HECTD4: variants seen among roughly 807,000 people sequenced by gnomAD.
HECTD4 encodes the protein probable E3 ubiquitin-protein ligase HECTD4.
In HECTD4, 114 loss-of-function variants were observed where a neutral mutation model predicts 471.5. That is an observed-to-expected ratio of 0.24 (90% confidence interval 0.21 to 0.28). The LOEUF is 0.28. Ranked by LOEUF, HECTD4 falls within the 10% of genes least tolerant of loss-of-function variation. The pLI is 1.00. For missense variants in HECTD4, 3,866 were observed against 5,651.5 expected (o/e 0.68, Z 10.13); for synonymous variants, 2,012 against 2,256.0 (o/e 0.89, Z 3.07).
rs897220218 is a variant in HECTD4 at position 112,213,087 on chromosome 12, C to T, written c.7466-437G>A. Among the ~76,000 whole-genome samples, 5 of 152,152 alleles carry T rather than the reference C, an allele frequency of 3.3e-5. No homozygotes were observed. Among genetic ancestry groups the T allele is most frequent in the African/African-American group, 7.2e-5 (3 of 41,438 alleles). On this transcript the variant is annotated intron_variant, in intron 48 of 75. Coordinates refer to ENST00000682272, the MANE Select transcript of HECTD4 (RefSeq NM_001388303.1). The surrounding 1 kb of genome is among the most constrained non-coding windows in gnomAD (Gnocchi z 4.0). ...CTGGAATTACAGTCGTGAGCCACCA[C>T]GCCCAGCCTAAGTTTTTGTATTTAG...
chr12:112,177,675 C>T (rs567821903), intron 64 of HECTD4, among the ~76,000 whole-genome samples: 24 of 152,266 alleles, frequency 1.6e-4, no homozygotes, highest in Admixed American at 2.0e-4. Context: ...CCACCGCGCC[C>T]GGCCTATGAG....
intron 1 of HECTD4, among the ~76,000 whole-genome samples, chr12:112,324,060 T>G (rs1310382511): frequency 1.3e-5 from 1 of 78,732 alleles, no homozygotes; most frequent in Non-Finnish European, 2.1e-5. Context: ...CTTTCTTTCT[T>G]TCTTTCTTTC....
intron 44 of HECTD4, among the ~76,000 whole-genome samples, chr12:112,223,147 C>T (rs1166866475): frequency 3.9e-5 from 6 of 152,104 alleles, no homozygotes; most frequent in African/African-American, 9.7e-5. Context: ...CTGGGACCAC[C>T]CTCTACTTAC....
chr12:112,313,205 G>GTA, intron 3 of HECTD4, 58 bp from the exon 4 acceptor site: 2 of 1,428,332 alleles, frequency 1.4e-6, no homozygotes, highest in East Asian at 2.5e-5. Context: ...TCAGCAAGAA[G>GTA]TATACCTGCT....
intron 70 of HECTD4, 56 bp from the exon 71 acceptor site, chr12:112,167,973 C>T (rs763878664): frequency 3.9e-5 from 51 of 1,303,530 alleles, no homozygotes; most frequent in African/African-American, 3.3e-4. Flanking sequence ...GAGGCGACAC[C>T]GTTCCCTCCC....
chr12:112,345,317 G>GA lies in HECTD4; in HGVS notation c.178-25576dup, dbSNP rs557538600. 7.3e-5 allele frequency among the ~76,000 whole-genome samples: 11 copies of GA among 149,866 alleles called. No individual in the cohort carries two copies. In the South Asian group the frequency reaches 2.3e-3, roughly 32 times the overall value. On this transcript the variant is annotated intron_variant, in intron 1 of 75. Transcript: ENST00000682272. ...ACAAGGTCAGAAGAAGAAAAAAGAA[G>GA]AAAAAAACCAGGACAATGAAACGAT...
In HECTD4 at chr12:112,179,738, T is replaced by C. The variant is rs184494573; in HGVS notation, c.10988-341A>G. Among the ~76,000 whole-genome samples, 2 of 152,258 alleles carry C rather than the reference T, an allele frequency of 1.3e-5. No individual in the cohort carries two copies. The highest frequency in any genetic ancestry group is 6.5e-5 in the Admixed American group (1 of 15,306). On this transcript the variant is annotated intron_variant, in intron 62 of 75. Coordinates refer to ENST00000682272, the MANE Select transcript of HECTD4 (RefSeq NM_001388303.1). This position sits in a 1 kb window ranked among gnomAD's most constrained non-coding sequence, Gnocchi z 4.3. ...ACCTCAGTGCTCACCCTCACTCTTA[T>C]ATCTGCAGGGAATTAACTTCCACTG...
At chr12:112,287,332 C>T (rs113085207) in intron 7 of HECTD4, among the ~76,000 whole-genome samples, 5 of 152,196 alleles carry the variant, frequency 3.3e-5, no homozygotes, top group South Asian at 4.2e-4. Context: ...TACCCAGATA[C>T]GGCAATATAG....
chr12:112,219,109 GCTTT>G (rs1351529538), intron 45 of HECTD4, among the ~76,000 whole-genome samples: 1 of 151,416 alleles, frequency 6.6e-6, no homozygotes, highest in Non-Finnish European at 1.5e-5. Flanking sequence ...AAAAAAAAAA[GCTTT>G]CTTTTTGTTA....
intron 1 of HECTD4, among the ~76,000 whole-genome samples, chr12:112,338,850 T>C (rs1054904373): frequency 6.6e-6 from 1 of 151,434 alleles, no homozygotes; most frequent in African/African-American, 2.4e-5. Flanking sequence ...TAGGAGGAGG[T>C]GCCACATACT....
At chr12:112,227,251 G>A (rs1384846927) in intron 43 of HECTD4, among the ~76,000 whole-genome samples, 3 of 152,182 alleles carry the variant, frequency 2.0e-5, no homozygotes, top group Non-Finnish European at 4.4e-5. Flanking sequence ...CCAGAGGTCA[G>A]GAGTTTCAGA....
intron 1 of HECTD4, among the ~76,000 whole-genome samples, chr12:112,324,372 A>G (rs186963459): frequency 5.1e-4 from 77 of 151,796 alleles, no homozygotes; most frequent in Non-Finnish European, 4.4e-5. Context: ...TGCTTGCCTC[A>G]GCCTCCCAAA....
chr12:112,180,883 G>A (rs950681772), intron 62 of HECTD4, among the ~76,000 whole-genome samples: 2 of 151,584 alleles, frequency 1.3e-5, no homozygotes, highest in African/African-American at 4.9e-5. Flanking sequence ...TTAAGAAAAC[G>A]CCAAAAACCT....
At chr12:112,189,413 G>A (rs1210742698) in intron 60 of HECTD4, among the ~76,000 whole-genome samples, 3 of 151,744 alleles carry the variant, frequency 2.0e-5, no homozygotes, top group Middle Eastern at 3.2e-3. Flanking sequence ...TTGGCCAGGC[G>A]TGGTGGTGGG....
At chr12:112,302,127 AG>A in intron 7 of HECTD4, 4 of 1,106,288 alleles carry the variant, frequency 3.6e-6, no homozygotes, top group Non-Finnish European at 5.4e-6. Context: ...TTGATAATGC[AG>A]TAAGGGACTC....
chr12:112,355,044 T>A (rs546553003), intron 1 of HECTD4, among the ~76,000 whole-genome samples: 2 of 150,188 alleles, frequency 1.3e-5, no homozygotes, highest in South Asian at 4.3e-4. Flanking sequence ...GCAGTGGCGC[T>A]ATCTCGGCTC....
rs1343964984 is a variant in HECTD4, at chr12:112,235,091, G to A, written c.5901C>T (p.Leu1967=). The change falls in exon 37 of 76, where the codon CTC becomes CTT. Residue 1967 remains leucine, a synonymous_variant. Transcript: ENST00000682272. This position sits in a 1 kb window ranked among gnomAD's most constrained non-coding sequence, Gnocchi z 5.0. ...ATTATGGTCACCTTAGCAATGGCTG[G>A]AGGACTTCATGGGATGACTGGTCTT... ...KREDQSSHEV[L]QPLLSSSEGR... The A allele has an allele frequency of 6.3e-7, 1 of 1,576,370 alleles. No individual in the cohort carries two copies. Among genetic ancestry groups the A allele is most frequent in the Non-Finnish European group, 8.6e-7 (1 of 1,160,372 alleles).
chr12:112,236,100 T>G (rs957663103), intron 35 of HECTD4, among the ~76,000 whole-genome samples: 1 of 152,242 alleles, frequency 6.6e-6, no homozygotes, highest in Non-Finnish European at 1.5e-5. Context: ...TGTCATTTAT[T>G]CTTTCATTTT....
chr12:112,177,920 G>C (rs1863454398), intron 64 of HECTD4, among the ~76,000 whole-genome samples: 1 of 152,230 alleles, frequency 6.6e-6, no homozygotes, highest in African/African-American at 2.4e-5. Context: ...CGGAGGAAGA[G>C]TGGCTTTTCA....
Sources: gnomAD v4.1 joint callset for allele counts (sites outside exome capture counted in the v4.1 genomes callset) on GRCh38, gnomAD v4.1.1 for gene constraint, Gnocchi (gnomAD v3.1) non-coding constraint, MANE v1.5 for transcripts, NCBI Gene and HGNC (gene_info 2026-07-23, HGNC 2026-07-21) for gene names.